DOCK2: variants seen among roughly 807,000 people sequenced by gnomAD.
DOCK2 encodes the protein dedicator of cytokinesis 2.
DOCK2 carries 87 observed loss-of-function variants against 248.9 expected under a neutral mutation model. The ratio of observed to expected loss-of-function variants is 0.35; its 90% confidence interval spans 0.29 to 0.42. DOCK2 has a LOEUF of 0.42. Ranked by LOEUF, DOCK2 falls within the 10% of genes least tolerant of loss-of-function variation. The pLI is 1.00. For synonymous variants in DOCK2, 805 were observed against 821.6 expected, an observed-to-expected ratio of 0.98 and a Z score of 0.35; for missense variants, 1,747 against 2,300.2, an observed-to-expected ratio of 0.76 and a Z score of 4.92.
At chr5:169,849,902 G>A (rs571709649) in intron 27 of DOCK2, among the ~76,000 whole-genome samples, 1 of 152,282 alleles carries the variant, frequency 6.6e-6, no homozygotes, top group Admixed American at 6.5e-5. Context: ...GTTGTCCTTG[G>A]CCTGCAGGAC....
In DOCK2 at chr5:169,946,561, C is replaced by CCATT. The variant is rs144258254; in HGVS notation, c.2800-36484_2800-36481dup. ...TGGGGGATCTGGCATAGTCACTCAT[C>CCATT]CATTCATTCATTCATTCATTCATTC... On this transcript the variant is annotated intron_variant, in intron 27 of 51. Transcript: ENST00000520908. Among the ~76,000 whole-genome samples, 211 of 152,198 alleles carry CCATT rather than the reference C, an allele frequency of 1.4e-3. 1 individual carries two copies. Among genetic ancestry groups the CCATT allele is most frequent in the African/African-American group, 3.5e-3 (147 of 41,500 alleles).
At chr5:169,669,393 C>A in intron 3 of DOCK2, 65 bp downstream of exon 3, 1 of 1,557,738 alleles carries the variant, frequency 6.4e-7, no homozygotes, top group Non-Finnish European at 8.9e-7. Context: ...GCTATCCCAT[C>A]TGAGCAGGTC....
chr5:169,798,319 T>C lies in DOCK2; in HGVS notation c.2555-4739T>C, dbSNP rs1326459388. On this transcript the variant is annotated intron_variant, in intron 25 of 51. Transcript: ENST00000520908. ...ACTTTACCTCTTCCTTGTGCCTATC[T>C]ATAGACAGCAACCTACTACTTGTAT... Among the ~76,000 whole-genome samples the C allele has an allele frequency of 5.9e-5, 6 of 102,162 alleles. No homozygotes were observed. The East Asian group carries it at 3.2e-3, about 55-fold the overall frequency. 67.0% of individuals were successfully genotyped at this position (102,162 alleles called of 152,430 possible). A position where few individuals can be genotyped will look rare whatever the true frequency, so the allele number is the denominator to read the frequency against.
chr5:169,976,874 T>C (rs939445488), intron 27 of DOCK2, among the ~76,000 whole-genome samples: 2 of 152,200 alleles, frequency 1.3e-5, no homozygotes, highest in African/African-American at 4.8e-5. Flanking sequence ...ATATGCAACA[T>C]CCAAGTGGCA....
chr5:169,846,353 C>T (rs114486680), intron 27 of DOCK2, among the ~76,000 whole-genome samples: 169 of 152,200 alleles, frequency 1.1e-3, no homozygotes, highest in African/African-American at 3.1e-3. Flanking sequence ...TAGGGCTTTG[C>T]GATGACCATT....
At chr5:169,680,580 G>A (rs1271912682) in intron 6 of DOCK2, among the ~76,000 whole-genome samples, 1 of 152,170 alleles carries the variant, frequency 6.6e-6, no homozygotes, top group Non-Finnish European at 1.5e-5. Context: ...TAGTAGCTGG[G>A]CATGGTGGCA....
chr5:169,664,015 A>G lies in DOCK2; in HGVS notation c.128-5273A>G, dbSNP rs183208513. Among the ~76,000 whole-genome samples, 243 of 152,298 alleles carry G rather than the reference A, an allele frequency of 1.6e-3. 2 individuals carry two copies. The highest frequency in any genetic ancestry group is 3.4e-3 in the Middle Eastern group (1 of 292). On this transcript the variant is annotated intron_variant, in intron 2 of 51. Transcript: ENST00000520908. ...TACTCTCTGCTTCCCTTTTAAACATAATTTCCAATTTCAGACCATCTCTTT... is the reference window on the plus strand; with the variant it reads ...TACTCTCTGCTTCCCTTTTAAACATGATTTCCAATTTCAGACCATCTCTTT...
chr5:170,042,616 G>A (rs902230966), intron 38 of DOCK2, among the ~76,000 whole-genome samples: 1 of 152,126 alleles, frequency 6.6e-6, no homozygotes, highest in African/African-American at 2.4e-5. Flanking sequence ...CAGGGACTGT[G>A]TACTTGCTTT....
At chr5:169,769,062 C>T (rs530141690) in intron 25 of DOCK2, among the ~76,000 whole-genome samples, 2 of 152,116 alleles carry the variant, frequency 1.3e-5, no homozygotes, top group South Asian at 2.1e-4. Context: ...ACTTCTGCAC[C>T]GTGATCTCTG....
chr5:169,670,557 T>G lies in DOCK2; in HGVS notation c.184T>G (p.Ser62Ala). 6.2e-7 allele frequency: 1 copy of G among 1,613,816 alleles called. No individual in the cohort carries two copies. Among genetic ancestry groups the G allele is most frequent in the Non-Finnish European group, 8.5e-7 (1 of 1,179,946 alleles). The stretch of plus-strand genomic sequence containing the variant: ...TTTCCAACAGGGCATTTTTCCTAAG[T>G]CATTTATCCACATCAAGGAAGTGAC... ...HKMLQGIFPK[S>A]FIHIKEVTVE... is the part of the protein sequence containing the mutation. The change falls in exon 4 of 52, where the codon TCA (serine) becomes GCA (alanine). Residue 62 changes from serine (S) to alanine (A), a missense_variant. Ser to Ala is a moderately conservative substitution (Grantham distance 99). Transcript: ENST00000520908.
At chr5:169,741,401 C>G (rs1581123986) in intron 22 of DOCK2, among the ~76,000 whole-genome samples, 1 of 152,172 alleles carries the variant, frequency 6.6e-6, no homozygotes, top group Non-Finnish European at 1.5e-5. Context: ...CAGACTCAGC[C>G]ACTGGTTTAG....
At chr5:169,793,148 A>C (rs1048241329) in intron 25 of DOCK2, among the ~76,000 whole-genome samples, 1 of 152,182 alleles carries the variant, frequency 6.6e-6, no homozygotes, top group Non-Finnish European at 1.5e-5. Flanking sequence ...ATTACACCCT[A>C]ATTTGATAAA....
At chr5:169,954,335 CAATT>C (rs1313867637) in intron 27 of DOCK2, among the ~76,000 whole-genome samples, 3 of 152,168 alleles carry the variant, frequency 2.0e-5, no homozygotes, top group African/African-American at 7.2e-5. Flanking sequence ...TCAAACTTAA[CAATT>C]AATGATGTTT....
At chr5:170,035,000 C>A (rs1756273162) in intron 35 of DOCK2, among the ~76,000 whole-genome samples, 1 of 152,142 alleles carries the variant, frequency 6.6e-6, no homozygotes, top group South Asian at 2.1e-4. Context: ...GTTGCCCTGG[C>A]CCATGGTTAA....
At chr5:169,703,779 C>G (rs962158945) in intron 14 of DOCK2, among the ~76,000 whole-genome samples, 3 of 152,148 alleles carry the variant, frequency 2.0e-5, no homozygotes, top group African/African-American at 7.2e-5. Flanking sequence ...CTCAAAGGAA[C>G]ATAAAGGAGC....
chr5:170,044,911 C>T (rs540038077), intron 38 of DOCK2, among the ~76,000 whole-genome samples: 17 of 152,210 alleles, frequency 1.1e-4, no homozygotes, highest in African/African-American at 3.6e-4. Context: ...TGCCAGCCTC[C>T]GGTCCACCCT....
At chr5:169,882,819 G>A (rs1386788440) in intron 27 of DOCK2, 1 of 1,550,924 alleles carries the variant, frequency 6.4e-7, no homozygotes, top group Non-Finnish European at 8.7e-7. Flanking sequence ...CGGTGGGGTT[G>A]TTTGCCGTCT....
intron 25 of DOCK2, among the ~76,000 whole-genome samples, chr5:169,793,138 A>AT (rs747389772): frequency 9.9e-5 from 15 of 152,164 alleles, no homozygotes; most frequent in Admixed American, 3.3e-4. Context: ...GGTCTCTATG[A>AT]TTACACCCTA....
intron 27 of DOCK2, among the ~76,000 whole-genome samples, chr5:169,953,109 G>T (rs1486116700): frequency 2.0e-5 from 3 of 152,106 alleles, no homozygotes; most frequent in Non-Finnish European, 2.9e-5. Flanking sequence ...GGATCACAAG[G>T]TCAGGAGTTC....
Sources: allele counts gnomAD v4.1 joint callset (sites outside exome capture counted in the v4.1 genomes callset), GRCh38; gene constraint gnomAD v4.1.1; transcripts MANE v1.5; gene names NCBI Gene and HGNC (gene_info 2026-07-23, HGNC 2026-07-21).